LYPD6: variants seen among roughly 807,000 people sequenced by gnomAD.
The protein encoded by LYPD6 is LY6/PLAUR domain containing 6.
In LYPD6, 15 loss-of-function variants were observed where a neutral mutation model predicts 22.7. The ratio of observed to expected loss-of-function variants is 0.66; its 90% confidence interval spans 0.44 to 1.02. LYPD6 has a LOEUF of 1.02. Among genes scored for constraint, LYPD6 ranks in the 50% least tolerant of loss-of-function variants. LYPD6 has a pLI of 0.00. For missense variants in LYPD6, 189 were observed against 208.4 expected, an observed-to-expected ratio of 0.91 and a Z score of 0.57; for synonymous variants, 72 against 77.5, an observed-to-expected ratio of 0.93 and a Z score of 0.37.
chr2:149,361,621 G>A (rs892528663), intron 1 of LYPD6, among the ~76,000 whole-genome samples: 40 of 152,140 alleles, frequency 2.6e-4, no homozygotes, highest in African/African-American at 8.4e-4. Flanking sequence ...AGTCTGATGT[G>A]CATGAGAATT....
chr2:149,350,096 C>A (rs1433791692), intron 1 of LYPD6, among the ~76,000 whole-genome samples: 4 of 152,214 alleles, frequency 2.6e-5, no homozygotes, highest in Non-Finnish European at 4.4e-5. Flanking sequence ...AACAACCCTG[C>A]ATTCCTTTTT....
At chr2:149,465,038 T>G (rs1190527932) in intron 3 of LYPD6, among the ~76,000 whole-genome samples, 1 of 152,082 alleles carries the variant, frequency 6.6e-6, no homozygotes, top group Non-Finnish European at 1.5e-5. Context: ...GTTCTACAGT[T>G]CAGGAAAAAG....
intron 1 of LYPD6, among the ~76,000 whole-genome samples, chr2:149,392,872 A>C (rs1461368788): frequency 1.3e-5 from 2 of 152,108 alleles, no homozygotes; most frequent in Non-Finnish European, 2.9e-5. Context: ...AAAAATACAA[A>C]AAAATTTAGC....
chr2:149,445,046 A>G (rs929342690), intron 2 of LYPD6, among the ~76,000 whole-genome samples: 1 of 152,228 alleles, frequency 6.6e-6, no homozygotes, highest in Non-Finnish European at 1.5e-5. Flanking sequence ...TTCTTGATCC[A>G]TCAACTACAG....
the LYPD6 span, among the ~76,000 whole-genome samples, chr2:149,485,531 G>A: frequency 1.3e-5 from 2 of 152,180 alleles, no homozygotes; most frequent in Admixed American, 1.3e-4. Context: ...GAGCCATTTA[G>A]GGATTGGAAA....
At chr2:149,479,802 T>C in the LYPD6 span, among the ~76,000 whole-genome samples, 137,075 of 152,100 alleles carry the variant, frequency 0.9, 61,763 homozygotes, top group East Asian at 1. Flanking sequence ...TTTTCATAGC[T>C]AGAAGTAGAC....
downstream of LYPD6, among the ~76,000 whole-genome samples, chr2:149,475,864 C>A (rs1681443650): frequency 6.6e-6 from 1 of 152,152 alleles, no homozygotes; most frequent in South Asian, 2.1e-4. Flanking sequence ...TGGGAGGCCC[C>A]ACTGGTAGTT....
intron 1 of LYPD6, among the ~76,000 whole-genome samples, chr2:149,366,565 A>G (rs1054740521): frequency 5.9e-5 from 9 of 152,326 alleles, no homozygotes; most frequent in African/African-American, 1.9e-4. Flanking sequence ...GGATGGCAAG[A>G]AGAGTCCAGG....
At chr2:149,351,558 G>A (rs2105059150) in intron 1 of LYPD6, among the ~76,000 whole-genome samples, 1 of 152,154 alleles carries the variant, frequency 6.6e-6, no homozygotes, top group Non-Finnish European at 1.5e-5. Flanking sequence ...TTTCATACCT[G>A]GAGGAAGATT....
chr2:149,468,188 C>CATACA (rs1681249264), intron 3 of LYPD6, among the ~76,000 whole-genome samples: 1 of 147,522 alleles, frequency 6.8e-6, no homozygotes, highest in African/African-American at 2.5e-5. Context: ...CACACACACA[C>CATACA]CAGCCACTGC....
chr2:149,335,965 A>AT (rs112913414), intron 1 of LYPD6, among the ~76,000 whole-genome samples: 11,139 of 152,240 alleles, frequency 0.073, 431 homozygotes, highest in East Asian at 0.14. Flanking sequence ...AAATCACCTA[A>AT]GATGGCTCTC....
chr2:149,361,707 T>C (rs114231602), intron 1 of LYPD6, among the ~76,000 whole-genome samples: 4,494 of 152,308 alleles, frequency 0.03, 92 homozygotes, highest in Non-Finnish European at 0.041. Flanking sequence ...ATCAAATTCA[T>C]TTTTATATCC....
At position 149,393,350 on chromosome 2, in the gene LYPD6, A is replaced by G. The variant is rs527321153; in HGVS notation, c.-71-44288A>G. On this transcript the variant is annotated intron_variant, in intron 1 of 4. Coordinates refer to ENST00000334166, the MANE Select transcript of LYPD6 (RefSeq NM_194317.5). ...TCCCATCATTTTCGGCAGCCAGGCA[A>G]CTGAGGTCAGTGTGCTCATAAATGG... Among the ~76,000 whole-genome samples, 294 of 152,326 alleles carry G rather than the reference A, an allele frequency of 1.9e-3. 2 individuals are homozygous for G. Among genetic ancestry groups the G allele is most frequent in the African/African-American group, 6.6e-3 (273 of 41,586 alleles).
intron 1 of LYPD6, among the ~76,000 whole-genome samples, chr2:149,357,671 A>G (rs933710242): frequency 3.9e-5 from 6 of 152,214 alleles, no homozygotes; most frequent in Non-Finnish European, 8.8e-5. Context: ...TGATGGTAGA[A>G]TAAATACAAT....
At chr2:149,474,331 T>G (rs558516646), downstream of LYPD6, among the ~76,000 whole-genome samples, 2 of 152,188 alleles carry the variant, frequency 1.3e-5, no homozygotes, top group African/African-American at 4.8e-5. Flanking sequence ...CCCGAGTAGC[T>G]GGGACTACAG....
intron 1 of LYPD6, among the ~76,000 whole-genome samples, chr2:149,419,057 C>T (rs1209184288): frequency 6.6e-6 from 1 of 152,222 alleles, no homozygotes; most frequent in Non-Finnish European, 1.5e-5. Context: ...AAGATAATAA[C>T]CTACCTCAGA....
intron 3 of LYPD6, 146 bp from the exon 4 acceptor site, chr2:149,468,499 T>C (rs1681256652): frequency 1.2e-6 from 1 of 817,334 alleles, no homozygotes; most frequent in South Asian, 1.8e-5. Flanking sequence ...AAGAGGTCTT[T>C]GGGGTTGGAC....
At chr2:149,412,494 C>T (rs2105123678) in intron 1 of LYPD6, among the ~76,000 whole-genome samples, 1 of 151,144 alleles carries the variant, frequency 6.6e-6, no homozygotes, top group Non-Finnish European at 1.5e-5. Context: ...TTTTTTAATA[C>T]AGATTTTCTG....
At chr2:149,402,293 G>T (rs1682576856) in intron 1 of LYPD6, among the ~76,000 whole-genome samples, 1 of 151,728 alleles carries the variant, frequency 6.6e-6, no homozygotes, top group Non-Finnish European at 1.5e-5. Context: ...TTAACTGATG[G>T]GCATTTGGGC....
Sources: gnomAD v4.1 joint callset for allele counts (sites outside exome capture counted in the v4.1 genomes callset) on GRCh38, gnomAD v4.1.1 for gene constraint, MANE v1.5 for transcripts, NCBI Gene and HGNC (gene_info 2026-07-23, HGNC 2026-07-21) for gene names.